The following WWOX variants were observed in gnomAD, a reference collection of about 807,000 sequenced individuals.
WWOX encodes the protein WW domain-containing oxidoreductase.
Under a neutral mutation model 46.2 loss-of-function variants are expected in WWOX, and 69 were observed. The observed-to-expected ratio is 1.49, with a 90% CI of 1.23 to 1.82. WWOX has a LOEUF of 1.82. Ranked by LOEUF, WWOX falls within the 40% of genes most tolerant of loss-of-function variation. The probability of loss-of-function intolerance (pLI) is 0.00; values close to 1 mark genes in which losing one functional copy is unlikely to be tolerated. For synonymous variants in WWOX, 359 were observed against 202.6 expected (o/e 1.77, Z -6.56); for missense variants, 919 against 542.6 (o/e 1.69, Z -6.89).
intron 5 of WWOX, among the ~76,000 whole-genome samples, chr16:78,319,379 A>C (rs941761386): frequency 6.6e-6 from 1 of 151,646 alleles, no homozygotes; most frequent in Non-Finnish European, 1.5e-5. Context: ...TCCCACCTCA[A>C]CCTCCTAAGT....
intron 5 of WWOX, among the ~76,000 whole-genome samples, chr16:78,209,352 G>A (rs1198641062): frequency 1.3e-5 from 2 of 152,210 alleles, no homozygotes; most frequent in African/African-American, 2.4e-5. Context: ...GGGAGAGAGA[G>A]CCCTGTTCCT....
chr16:79,033,904 G>A (rs2047815515), intron 8 of WWOX, among the ~76,000 whole-genome samples: 1 of 152,212 alleles, frequency 6.6e-6, no homozygotes, highest in African/African-American at 2.4e-5. Flanking sequence ...CCATCAAACA[G>A]GCATAGCTGG....
chr16:79,081,132 C>A (rs553195618), intron 8 of WWOX, among the ~76,000 whole-genome samples: 1 of 152,054 alleles, frequency 6.6e-6, no homozygotes, highest in Non-Finnish European at 1.5e-5. Context: ...ATAAGAAAAT[C>A]GAGATCCAGT....
chr16:78,730,834 G>A (rs1005724537), intron 8 of WWOX, among the ~76,000 whole-genome samples: 2 of 152,072 alleles, frequency 1.3e-5, no homozygotes, highest in Non-Finnish European at 2.9e-5. Flanking sequence ...AATGTGGAGA[G>A]TCATTTCCAT....
intron 8 of WWOX, among the ~76,000 whole-genome samples, chr16:78,727,554 G>C (rs568924770): frequency 4.6e-5 from 7 of 152,282 alleles, no homozygotes; most frequent in Admixed American, 2.0e-4. Flanking sequence ...ACAAGGTCTG[G>C]GTCCTGAGTT....
At chr16:78,931,352 G>GA (rs1203539436) in intron 8 of WWOX, among the ~76,000 whole-genome samples, 1 of 152,210 alleles carries the variant, frequency 6.6e-6, no homozygotes, top group Admixed American at 6.5e-5. Flanking sequence ...GAAAGGCTGA[G>GA]AGGGTACCTG....
chr16:78,266,788 T>TTCTCTCTCTC (rs60393431), intron 5 of WWOX, among the ~76,000 whole-genome samples: 5,363 of 115,474 alleles, frequency 0.046, 272 homozygotes, highest in South Asian at 0.062. Flanking sequence ...TATTCTTCTA[T>TTCTCTCTCTC]TCTCTCTCTC....
chr16:78,695,913 C>G (rs115110028), intron 8 of WWOX, among the ~76,000 whole-genome samples: 2,130 of 152,248 alleles, frequency 0.014, 55 homozygotes, highest in African/African-American at 0.048. Flanking sequence ...AAAGTGGGGT[C>G]CCTGGACCGG....
At chr16:78,800,224 T>G (rs1167333839) in intron 8 of WWOX, among the ~76,000 whole-genome samples, 1 of 150,688 alleles carries the variant, frequency 6.6e-6, no homozygotes, top group African/African-American at 2.5e-5. Flanking sequence ...TTAATGATTG[T>G]GTAAATGTTC....
intron 6 of WWOX, among the ~76,000 whole-genome samples, chr16:78,417,295 G>C (rs2082820351): frequency 6.6e-6 from 1 of 152,028 alleles, no homozygotes; most frequent in African/African-American, 2.4e-5. Context: ...GTCTTGCTAT[G>C]TTGTCCAGGT....
chr16:78,729,118 G>T (rs1048007584), intron 8 of WWOX, among the ~76,000 whole-genome samples: 3 of 152,014 alleles, frequency 2.0e-5, no homozygotes, highest in Non-Finnish European at 4.4e-5. Flanking sequence ...TGAGGCAGGC[G>T]GATCACTTGA....
At chr16:78,960,796 T>G (rs2046257192) in intron 8 of WWOX, among the ~76,000 whole-genome samples, 1 of 152,210 alleles carries the variant, frequency 6.6e-6, no homozygotes, top group Admixed American at 6.6e-5. Flanking sequence ...TTATTTTTTT[T>G]GTCTTCTTGT....
chr16:78,311,725 A>T (rs4073181), intron 5 of WWOX, among the ~76,000 whole-genome samples: 85,815 of 151,936 alleles, frequency 0.56, 24,937 homozygotes, highest in East Asian at 0.87. Context: ...ATGCTTTAAT[A>T]TTTTTTTGAA....
At chr16:78,754,578 C>T (rs2049588026) in intron 8 of WWOX, among the ~76,000 whole-genome samples, 1 of 151,936 alleles carries the variant, frequency 6.6e-6, no homozygotes, top group African/African-American at 2.4e-5. Flanking sequence ...AATTCATTTT[C>T]TCATTTATCA....
At chr16:78,447,125 C>G (rs1443483050) in intron 8 of WWOX, among the ~76,000 whole-genome samples, 1 of 152,102 alleles carries the variant, frequency 6.6e-6, no homozygotes, top group African/African-American at 2.4e-5. Context: ...GTTTTCTGAA[C>G]CAGACAGGCA....
intron 8 of WWOX, among the ~76,000 whole-genome samples, chr16:79,128,480 T>A (rs1458952723): frequency 6.6e-6 from 1 of 152,038 alleles, no homozygotes; most frequent in Non-Finnish European, 1.5e-5. Flanking sequence ...GTAAGAAAAT[T>A]AAGGCTCAGA....
At chr16:78,151,617 C>CT (rs1401823717) in intron 4 of WWOX, among the ~76,000 whole-genome samples, 32 of 152,170 alleles carry the variant, frequency 2.1e-4, no homozygotes, top group Admixed American at 2.1e-3. Flanking sequence ...AGGCTCCTCC[C>CT]TTTTTTTCTC....
chr16:78,872,585 C>A (rs951630401), intron 8 of WWOX, among the ~76,000 whole-genome samples: 4 of 150,766 alleles, frequency 2.7e-5, no homozygotes, highest in Admixed American at 2.0e-4. Context: ...ACTAAAATAC[C>A]TTAGGGCACA....
intron 8 of WWOX, among the ~76,000 whole-genome samples, chr16:78,942,825 G>A (rs1230306353): frequency 6.6e-6 from 1 of 152,162 alleles, no homozygotes; most frequent in Non-Finnish European, 1.5e-5. Flanking sequence ...TCCCGGAAGG[G>A]ATGAATTCCA....
Sources: allele counts gnomAD v4.1 joint callset (sites outside exome capture counted in the v4.1 genomes callset), GRCh38; gene constraint gnomAD v4.1.1; transcripts MANE v1.5; gene names NCBI Gene and HGNC (gene_info 2026-07-23, HGNC 2026-07-21).